Variants in SHCBP1L observed in about 807,000 individuals in gnomAD.
The protein encoded by SHCBP1L is SHC binding and spindle associated 1 like.
A neutral mutation model predicts 62.5 loss-of-function variants in SHCBP1L; 67 were observed. That is an observed-to-expected ratio of 1.07 (90% CI 0.88 to 1.31). The LOEUF (loss-of-function observed/expected upper bound fraction) is 1.31. Among genes scored for constraint, SHCBP1L ranks in the 40% most tolerant of loss-of-function variants. The pLI, the probability that SHCBP1L is intolerant of heterozygous loss-of-function variation, is 0.00. For missense variants in SHCBP1L, 823 were observed against 809.8 expected, an observed-to-expected ratio of 1.02 and a Z score of -0.20; for synonymous variants, 284 against 289.4, an observed-to-expected ratio of 0.98 and a Z score of 0.19.
intron 6 of SHCBP1L, among the ~76,000 whole-genome samples, chr1:182,915,662 A>G (rs1650333252): frequency 6.6e-6 from 1 of 152,188 alleles, no homozygotes; most frequent in South Asian, 2.1e-4. Context: ...CATATGGAAC[A>G]TTCTCCAAGA....
chr1:182,905,544 A>G lies in SHCBP1L; in HGVS notation c.1288T>C (p.Tyr430His). 1 of 1,613,802 alleles carries G rather than the reference A, an allele frequency of 6.2e-7. No homozygotes were observed. ...GDTVIIFPGE[Y>H]QAANLALLTD... Reference sequence around the variant, plus strand: ...AACAAAGCAAGATTTGCAGCTTGATATTCTCCTGGAAAAATTATTACTGTA... The same window carrying G: ...AACAAAGCAAGATTTGCAGCTTGATGTTCTCCTGGAAAAATTATTACTGTA... The change falls in exon 7 of 10, where the codon TAT (tyrosine) becomes CAT (histidine). Residue 430 changes from tyrosine (Y) to histidine (H), a missense_variant. Transcript: ENST00000367547.
At chr1:182,926,507 A>T (rs2101938997) in intron 6 of SHCBP1L, among the ~76,000 whole-genome samples, 1 of 152,354 alleles carries the variant, frequency 6.6e-6, no homozygotes, top group African/African-American at 2.4e-5. Context: ...CTTAAGCCTA[A>T]CACTCTATGG....
intron 2 of SHCBP1L, among the ~76,000 whole-genome samples, chr1:182,945,408 T>A (rs1317837383): frequency 1.3e-5 from 2 of 152,246 alleles, no homozygotes; most frequent in African/African-American, 4.8e-5. Flanking sequence ...TCTTCCAGAG[T>A]TCTCTGACCA....
intron 2 of SHCBP1L, among the ~76,000 whole-genome samples, chr1:182,948,433 T>C (rs1483473329): frequency 6.6e-6 from 1 of 152,208 alleles, no homozygotes; most frequent in East Asian, 1.9e-4. Flanking sequence ...ACTGCCTTTT[T>C]AGCCTGCAGT....
chr1:182,926,386 A>C (rs74129624), intron 6 of SHCBP1L, among the ~76,000 whole-genome samples: 14,162 of 152,218 alleles, frequency 0.093, 955 homozygotes, highest in African/African-American at 0.18. Flanking sequence ...AATCTGGCAA[A>C]AATGATGGCT....
intron 5 of SHCBP1L, among the ~76,000 whole-genome samples, chr1:182,935,081 C>T (rs887786449): frequency 1.3e-5 from 2 of 152,016 alleles, no homozygotes; most frequent in Non-Finnish European, 2.9e-5. Context: ...TGACTTATAC[C>T]ATACTGTCTT....
Position 182,900,225 on chromosome 1 carries a change from CT to C in SHCBP1L, c.1719del (p.Ala574HisfsTer4), listed in dbSNP as rs1249776602. The C allele has an allele frequency of 6.5e-7, 1 of 1,547,322 alleles. No homozygotes were observed. The highest frequency in any genetic ancestry group is 2.1e-5 in the Admixed American group (1 of 48,190). On this transcript the variant is annotated frameshift_variant, in exon 10 of 10. Transcript: ENST00000367547. LOFTEE classifies it high-confidence loss of function. ...TTATTAGTCATCTTCAATTTGGGTG[CT>C]GGAAGAACCTATTAAATTATTTGAG... Reference protein sequence around the residue: ...TLGGVNMKVLPAPKLKMTNNH... With the variant: ...TLGGVNMKVLXAPKLKMTNNH...
rs552440435 is a variant in SHCBP1L, at chr1:182,935,511, C to T, written c.1076+3665G>A. Reference sequence around the variant, plus strand: ...GAATATTAACCTTGCTTCCTGTAAACTTGCTATACTCATTTATCGGTTTCA... The same window carrying T: ...GAATATTAACCTTGCTTCCTGTAAATTTGCTATACTCATTTATCGGTTTCA... On this transcript the variant is annotated intron_variant, in intron 5 of 9. Coordinates refer to ENST00000367547, the MANE Select transcript of SHCBP1L (RefSeq NM_030933.4). 3.4e-3 allele frequency among the ~76,000 whole-genome samples: 514 copies of T among 152,260 alleles called. 1 individual carries two copies. Among genetic ancestry groups the T allele is most frequent in the Non-Finnish European group, 6.1e-3 (413 of 68,000 alleles).
At chr1:182,949,109 A>T (rs1651664568) in intron 2 of SHCBP1L, among the ~76,000 whole-genome samples, 1 of 151,792 alleles carries the variant, frequency 6.6e-6, no homozygotes, top group Non-Finnish European at 1.5e-5. Flanking sequence ...TAATCCACTG[A>T]GTTTCCATGG....
At position 182,948,939 on chromosome 1, in the gene SHCBP1L, C is replaced by G. The variant is rs947284730; in HGVS notation, c.555+2379G>C. Among the ~76,000 whole-genome samples, 4 of 152,266 alleles carry G rather than the reference C, an allele frequency of 2.6e-5. No homozygotes were observed. The East Asian group carries it at 7.7e-4, about 29-fold the overall frequency. On this transcript the variant is annotated intron_variant, in intron 2 of 9. Transcript: ENST00000367547. ...AAAAGAATTAGAATCTGCCAATATA[C>G]TGTTTTGCTTTTTCCTCTGTTCTTA...
chr1:182,911,579 G>T (rs1038685716), intron 6 of SHCBP1L, among the ~76,000 whole-genome samples: 26 of 152,260 alleles, frequency 1.7e-4, no homozygotes, highest in South Asian at 4.1e-4. Context: ...ACTGTTTTAA[G>T]TGTGCACAAA....
chr1:182,930,653 ATGTGTGTGTGTGTGTGTGTGTGTGTG>A (rs1182783771), intron 5 of SHCBP1L, among the ~76,000 whole-genome samples: 46 of 24,670 alleles, frequency 1.9e-3, no homozygotes, highest in African/African-American at 6.0e-3. Context: ...CCTGGAGTAT[ATGTGTGTGTGTGTGTGTGTGTGTGTG>A]TGTGTGTGTG....
In SHCBP1L at chr1:182,904,217, G is replaced by A; in HGVS notation, c.1550C>T (p.Ala517Val). 6.2e-7 allele frequency: 1 copy of A among 1,614,142 alleles called. No individual in the cohort carries two copies. ...GTGVCVLTGAALTITDSEITG... is the reference protein window; with the variant it reads ...GTGVCVLTGAVLTITDSEITG... The stretch of plus-strand genomic sequence containing the variant: ...TATTTCACTGTCTGTAATTGTCAAA[G>A]CAGCCCCTGTAAGAACACACACTCC... Residue 517 changes from alanine (A) to valine (V), a missense_variant, in exon 8 of 10, where the codon GCT becomes GTT. By Grantham distance (64) the Ala-to-Val change is moderately conservative (BLOSUM62 0). Transcript: ENST00000367547.
intron 5 of SHCBP1L, among the ~76,000 whole-genome samples, chr1:182,933,665 A>G (rs1651079768): frequency 6.6e-6 from 1 of 152,134 alleles, no homozygotes; most frequent in South Asian, 2.1e-4. Context: ...TTAAAACAAC[A>G]TTGGATTCCT....
At position 182,937,871 on chromosome 1, in the gene SHCBP1L, T is replaced by C. The variant is rs573818197; in HGVS notation, c.1076+1305A>G. Among the ~76,000 whole-genome samples, 89 of 152,350 alleles carry C rather than the reference T, an allele frequency of 5.8e-4. 1 individual carries two copies. Among genetic ancestry groups the C allele is most frequent in the African/African-American group, 2.1e-3 (87 of 41,590 alleles). ...CAAAATCATACCTGAGTCTCTGTGA[T>C]ATTTGCTTTGTTTCTCTGAAGTGTT... On this transcript the variant is annotated intron_variant, in intron 5 of 9. Coordinates refer to ENST00000367547, the MANE Select transcript of SHCBP1L (RefSeq NM_030933.4).
In SHCBP1L at chr1:182,939,406, C is replaced by A; in HGVS notation, c.858-12G>T. 6.2e-7 allele frequency: 1 copy of A among 1,610,452 alleles called. No individual in the cohort carries two copies. Among genetic ancestry groups the A allele is most frequent in the South Asian group, 1.1e-5 (1 of 90,170 alleles). ...GTATATCACACCACCTGAAAATTAT[C>A]AACATAATTACAATGTTTATTTTTT... On this transcript the variant is annotated splice_polypyrimidine_tract_variant and intron_variant, in intron 4 of 9. Transcript: ENST00000367547.
chr1:182,904,004 T>A (rs1362658221), intron 8 of SHCBP1L, among the ~76,000 whole-genome samples, 176 bp downstream of exon 8: 10 of 152,344 alleles, frequency 6.6e-5, no homozygotes, highest in African/African-American at 2.2e-4. Flanking sequence ...CATTTCATTT[T>A]TCCTAAATGT....
chr1:182,950,905 A>C (rs191256631), intron 2 of SHCBP1L, among the ~76,000 whole-genome samples: 3 of 151,878 alleles, frequency 2.0e-5, no homozygotes, highest in Admixed American at 1.3e-4. Flanking sequence ...AAAAAATTTC[A>C]AATTTTCCCA....
intron 5 of SHCBP1L, among the ~76,000 whole-genome samples, chr1:182,930,653 ATGTG>A (rs1182783771): frequency 0.12 from 2,838 of 24,508 alleles, 299 homozygotes; most frequent in Non-Finnish European, 0.13. Context: ...CCTGGAGTAT[ATGTG>A]TGTGTGTGTG....
Sources: allele counts gnomAD v4.1 joint callset (sites outside exome capture counted in the v4.1 genomes callset), GRCh38; gene constraint gnomAD v4.1.1; transcripts MANE v1.5; gene names NCBI Gene and HGNC (gene_info 2026-07-23, HGNC 2026-07-21).